Variants in GALNT10 observed in about 807,000 individuals in gnomAD.
The protein encoded by GALNT10 is GalNAc transferase 10.
Under a neutral mutation model 75.0 loss-of-function variants are expected in GALNT10, and 41 were observed. The ratio of observed to expected loss-of-function variants is 0.55; its 90% confidence interval spans 0.43 to 0.71. The LOEUF (loss-of-function observed/expected upper bound fraction) is 0.71, where lower values mean the gene tolerates loss of function less well. Ranked by LOEUF, GALNT10 falls within the 30% of genes least tolerant of loss-of-function variation. The pLI is 0.00. For synonymous variants in GALNT10, 302 were observed against 313.0 expected (o/e 0.96, Z 0.37); for missense variants, 727 against 818.5 (o/e 0.89, Z 1.36).
intron 3 of GALNT10, among the ~76,000 whole-genome samples, chr5:154,322,344 C>T (rs975608483): frequency 4.6e-5 from 7 of 152,122 alleles, no homozygotes; most frequent in African/African-American, 1.7e-4. Context: ...AGCCAGCAAC[C>T]GTGGGTGGAG....
At chr5:154,196,230 A>G (rs1774937387) in intron 1 of GALNT10, among the ~76,000 whole-genome samples, 2 of 152,306 alleles carry the variant, frequency 1.3e-5, no homozygotes, top group South Asian at 4.1e-4. Flanking sequence ...GCCTCATTTT[A>G]TAGTTTTAAA....
intron 1 of GALNT10, among the ~76,000 whole-genome samples, chr5:154,234,928 A>G (rs1466088598): frequency 6.6e-6 from 1 of 152,170 alleles, no homozygotes; most frequent in Non-Finnish European, 1.5e-5. Context: ...TGGACTAGAC[A>G]CCCTTTAGCA....
intron 1 of GALNT10, among the ~76,000 whole-genome samples, chr5:154,232,451 G>A (rs546757028): frequency 6.6e-6 from 1 of 152,300 alleles, no homozygotes; most frequent in African/African-American, 2.4e-5. Context: ...ACCATATATA[G>A]CCTTCAGGAA....
At chr5:154,411,706 T>C (rs546221268) in intron 9 of GALNT10, among the ~76,000 whole-genome samples, 2 of 152,346 alleles carry the variant, frequency 1.3e-5, no homozygotes, top group Admixed American at 1.3e-4. Flanking sequence ...ACTTCCCTCA[T>C]GAGGCTCTTT....
chr5:154,381,767 A>G (rs1470705460), intron 6 of GALNT10, among the ~76,000 whole-genome samples: 1 of 152,182 alleles, frequency 6.6e-6, no homozygotes, highest in Non-Finnish European at 1.5e-5. Flanking sequence ...AGAAGGATAG[A>G]ATCTTCAGAT....
chr5:154,315,946 G>A (rs528375604), intron 3 of GALNT10, among the ~76,000 whole-genome samples: 1 of 152,336 alleles, frequency 6.6e-6, no homozygotes, highest in African/African-American at 2.4e-5. Context: ...AAACTAAGCA[G>A]GTGTTTGATA....
At chr5:154,287,196 C>G (rs908069589) in intron 1 of GALNT10, among the ~76,000 whole-genome samples, 1 of 152,190 alleles carries the variant, frequency 6.6e-6, no homozygotes, top group African/African-American at 2.4e-5. Flanking sequence ...CTGTTCCTTG[C>G]TCAAAGGCTT....
chr5:154,409,328 C>T lies in GALNT10; in HGVS notation c.1165-213C>T. 1.7e-6 allele frequency: 1 copy of T among 590,838 alleles called. No homozygotes were observed. Among genetic ancestry groups the T allele is most frequent in the South Asian group, 2.0e-5 (1 of 49,808 alleles). The allele number at this position is 590,838 out of a possible 1,614,324, so 36.6% of individuals were successfully genotyped here. A position where few individuals can be genotyped will look rare whatever the true frequency, so the allele number is the denominator to read the frequency against. ...GGAAGATGGGCAGGCAAAACAACAG[C>T]AGCCTATGGGCCAACTATAAGCTGT... On this transcript the variant is annotated intron_variant, in intron 8 of 11. Transcript: ENST00000297107. The surrounding 1 kb of genome is among the most constrained non-coding windows in gnomAD (Gnocchi z 4.5).
At chr5:154,295,605 G>A (rs1295859995) in intron 2 of GALNT10, among the ~76,000 whole-genome samples, 9 of 152,198 alleles carry the variant, frequency 5.9e-5, no homozygotes, top group African/African-American at 1.9e-4. Flanking sequence ...GGTGAGTTGG[G>A]AAGGGTTGGG....
chr5:154,257,223 A>G (rs1753628297), intron 1 of GALNT10, among the ~76,000 whole-genome samples: 1 of 152,182 alleles, frequency 6.6e-6, no homozygotes, highest in Admixed American at 6.5e-5. Flanking sequence ...GCAGTTCCCC[A>G]AAGCTACTTA....
chr5:154,339,818 TC>T (rs1478519325), intron 4 of GALNT10, among the ~76,000 whole-genome samples: 1 of 152,204 alleles, frequency 6.6e-6, no homozygotes, highest in Non-Finnish European at 1.5e-5. Flanking sequence ...TTTTAGTGTT[TC>T]CTTAAAAACA....
At chr5:154,389,930 C>T (rs915269349) in intron 7 of GALNT10, among the ~76,000 whole-genome samples, 1 of 151,834 alleles carries the variant, frequency 6.6e-6, no homozygotes, top group Non-Finnish European at 1.5e-5. Flanking sequence ...CATCAAAAAC[C>T]CCCTGCATCC....
chr5:154,355,316 T>C (rs1258095351), intron 4 of GALNT10, among the ~76,000 whole-genome samples: 1 of 152,244 alleles, frequency 6.6e-6, no homozygotes. Context: ...ATCTGCCTCC[T>C]GACAGTCCCA....
chr5:154,272,457 A>AGG (rs1160932), intron 1 of GALNT10, among the ~76,000 whole-genome samples: 43,607 of 152,074 alleles, frequency 0.29, 7,019 homozygotes, highest in African/African-American at 0.44. Context: ...TATGGATAAC[A>AGG]GGGAGGGGAA....
chr5:154,255,452 AT>A (rs1369162318), intron 1 of GALNT10, among the ~76,000 whole-genome samples: 1 of 152,158 alleles, frequency 6.6e-6, no homozygotes, highest in African/African-American at 2.4e-5. Context: ...TCATGAGGTC[AT>A]GTATTGGTTG....
intron 7 of GALNT10, among the ~76,000 whole-genome samples, chr5:154,399,936 A>T (rs567702984): frequency 6.6e-6 from 1 of 152,208 alleles, no homozygotes; most frequent in Non-Finnish European, 1.5e-5. Context: ...TGAGCCCAGG[A>T]GTTCAAGACC....
chr5:154,334,729 A>G (rs976643879), intron 4 of GALNT10, among the ~76,000 whole-genome samples: 5 of 152,238 alleles, frequency 3.3e-5, no homozygotes, highest in African/African-American at 1.2e-4. Context: ...CTACAAACAA[A>G]CACATGTAGG....
At chr5:154,385,465 C>G (rs1350196372) in intron 6 of GALNT10, among the ~76,000 whole-genome samples, 4 of 152,174 alleles carry the variant, frequency 2.6e-5, no homozygotes, top group Non-Finnish European at 5.9e-5. Context: ...GCCACCTCCC[C>G]TGAGCCTCAT....
intron 1 of GALNT10, among the ~76,000 whole-genome samples, chr5:154,293,613 A>ATATATATTTTTTTTTTT: frequency 1.8e-5 from 2 of 109,360 alleles, no homozygotes; most frequent in African/African-American, 8.5e-5. Context: ...ATATATATAT[A>ATATATATTTTTTTTTTT]TTTTTTTTTT....
Sources: gnomAD v4.1 joint callset for allele counts (sites outside exome capture counted in the v4.1 genomes callset) on GRCh38, gnomAD v4.1.1 for gene constraint, Gnocchi (gnomAD v3.1) non-coding constraint, MANE v1.5 for transcripts, NCBI Gene and HGNC (gene_info 2026-07-23, HGNC 2026-07-21) for gene names.